NKAIN3: variants seen among roughly 807,000 people sequenced by gnomAD.
NKAIN3 encodes the protein sodium/potassium-transporting ATPase subunit beta-1-interacting protein 3.
In NKAIN3, 25 loss-of-function variants were observed where a neutral mutation model predicts 30.2. That is an observed-to-expected ratio of 0.83 (90% CI 0.60 to 1.16). NKAIN3 has a LOEUF of 1.16. Ranked by LOEUF, NKAIN3 falls within the 50% of genes most tolerant of loss-of-function variation. The pLI, the probability that NKAIN3 is intolerant of heterozygous loss-of-function variation, is 0.00. For missense variants in NKAIN3, 225 were observed against 254.1 expected, an observed-to-expected ratio of 0.89 and a Z score of 0.78; for synonymous variants, 91 against 89.6, an observed-to-expected ratio of 1.02 and a Z score of -0.09.
chr8:62,481,453 C>T (rs894028922), intron 1 of NKAIN3, among the ~76,000 whole-genome samples: 4 of 151,972 alleles, frequency 2.6e-5, no homozygotes, highest in Non-Finnish European at 4.4e-5. Context: ...TTGGACTTAC[C>T]ATGTCATACA....
intron 1 of NKAIN3, among the ~76,000 whole-genome samples, chr8:62,530,948 T>G (rs1238676398): frequency 6.6e-6 from 1 of 152,158 alleles, no homozygotes; most frequent in African/African-American, 2.4e-5. Context: ...CCTGGCCCAC[T>G]TCCTGGTTTT....
chr8:62,882,097 T>C (rs1319252515), intron 4 of NKAIN3, among the ~76,000 whole-genome samples: 1 of 152,196 alleles, frequency 6.6e-6, no homozygotes, highest in African/African-American at 2.4e-5. Flanking sequence ...AATAGAGTTA[T>C]TCATTTTCTT....
At chr8:62,343,382 C>T (rs1457232051) in intron 1 of NKAIN3, among the ~76,000 whole-genome samples, 2 of 152,006 alleles carry the variant, frequency 1.3e-5, no homozygotes, top group African/African-American at 2.4e-5. Flanking sequence ...ACAAATGTAT[C>T]CTATCTACTC....
intron 3 of NKAIN3, among the ~76,000 whole-genome samples, chr8:62,652,515 T>G (rs1545792): frequency 0.48 from 73,277 of 152,086 alleles, 20,748 homozygotes; most frequent in African/African-American, 0.79. Context: ...CATTCCCATT[T>G]TTCTTTATTA....
At chr8:62,716,219 C>T (rs1455840872) in intron 3 of NKAIN3, among the ~76,000 whole-genome samples, 4 of 152,118 alleles carry the variant, frequency 2.6e-5, no homozygotes, top group African/African-American at 7.2e-5. Context: ...CAATGATACA[C>T]AAGACACCAT....
In NKAIN3 at chr8:62,896,487, A is replaced by G. The variant is rs1821432430; in HGVS notation, c.472-21966A>G. ...TTTTAGAGTCAGTCCTGCCTCCCAG[A>G]TCTCAGGCAGATTTTTTCCACCGTA... On this transcript the variant is annotated intron_variant, in intron 4 of 6. Transcript: ENST00000623646. Among the ~76,000 whole-genome samples, 3 of 152,076 alleles carry G rather than the reference A, an allele frequency of 2.0e-5. No individual in the cohort carries two copies. The South Asian group carries it at 6.2e-4, about 31-fold the overall frequency.
chr8:62,328,039 G>A (rs1244102064), intron 1 of NKAIN3, among the ~76,000 whole-genome samples: 2 of 151,812 alleles, frequency 1.3e-5, no homozygotes, highest in Admixed American at 6.6e-5. Flanking sequence ...TTTCTTACTG[G>A]TTTGATCCAA....
At chr8:62,948,191 T>A (rs1006776936) in intron 5 of NKAIN3, among the ~76,000 whole-genome samples, 8 of 151,764 alleles carry the variant, frequency 5.3e-5, no homozygotes, top group African/African-American at 1.9e-4. Context: ...TGACTTGGTA[T>A]TTCCTTTTTT....
At chr8:62,551,601 G>C (rs947534021) in intron 1 of NKAIN3, among the ~76,000 whole-genome samples, 1 of 152,186 alleles carries the variant, frequency 6.6e-6, no homozygotes, top group Non-Finnish European at 1.5e-5. Context: ...GGTCAGAGAG[G>C]ACAAAACACT....
chr8:62,324,876 A>T (rs1271822514), intron 1 of NKAIN3, among the ~76,000 whole-genome samples: 1 of 152,114 alleles, frequency 6.6e-6, no homozygotes, highest in African/African-American at 2.4e-5. Context: ...GCAAGCTTGA[A>T]AATCTTGAAC....
intron 1 of NKAIN3, among the ~76,000 whole-genome samples, chr8:62,527,114 G>A (rs972750981): frequency 3.3e-5 from 5 of 152,158 alleles, no homozygotes; most frequent in African/African-American, 1.2e-4. Context: ...CAGAGAGAGA[G>A]GAGCTCATGA....
intron 4 of NKAIN3, among the ~76,000 whole-genome samples, chr8:62,866,482 C>G (rs932651947): frequency 6.6e-6 from 1 of 152,138 alleles, no homozygotes; most frequent in African/African-American, 2.4e-5. Flanking sequence ...TTTGTTTATG[C>G]ATTTCCTTAA....
intron 1 of NKAIN3, among the ~76,000 whole-genome samples, chr8:62,341,008 T>C (rs1815726508): frequency 6.6e-6 from 1 of 152,106 alleles, no homozygotes; most frequent in East Asian, 1.9e-4. Flanking sequence ...CTTACATTTT[T>C]ATTTTTCCAG....
At chr8:62,410,932 A>C (rs539836321) in intron 1 of NKAIN3, among the ~76,000 whole-genome samples, 3 of 152,344 alleles carry the variant, frequency 2.0e-5, no homozygotes, top group African/African-American at 7.2e-5. Context: ...AGTGGACGAG[A>C]TTAATTCACA....
rs575737117 is a variant in NKAIN3, at chr8:62,304,819, G to A, written c.54+55692G>A. Among the ~76,000 whole-genome samples the A allele has an allele frequency of 3.4e-3, 88 of 25,980 alleles. 10 individuals are homozygous for A. Among genetic ancestry groups the A allele is most frequent in the African/African-American group, 8.7e-3 (86 of 9,922 alleles). The allele number at this position is 25,980 out of a possible 152,430, so 17.0% of individuals were successfully genotyped here. On this transcript the variant is annotated intron_variant, in intron 1 of 6. Coordinates refer to ENST00000623646, the MANE Select transcript of NKAIN3 (RefSeq NM_001304533.3). ...TTGTGTCCTTGGTGTGTGGACATTC[G>A]GCATGACGTTCATAGGCCAGCAGAA...
chr8:62,459,364 T>A (rs555614870), intron 1 of NKAIN3, among the ~76,000 whole-genome samples: 1 of 152,164 alleles, frequency 6.6e-6, no homozygotes, highest in Non-Finnish European at 1.5e-5. Context: ...AGGCTTTAGA[T>A]AAGGATGATT....
chr8:62,435,044 A>G (rs915205536), intron 1 of NKAIN3, among the ~76,000 whole-genome samples: 3 of 152,076 alleles, frequency 2.0e-5, no homozygotes, highest in African/African-American at 7.2e-5. Context: ...AGACAGGGAG[A>G]AACAGAGGAG....
chr8:62,267,269 A>G (rs1812638368), intron 1 of NKAIN3, among the ~76,000 whole-genome samples: 1 of 152,266 alleles, frequency 6.6e-6, no homozygotes, highest in Non-Finnish European at 1.5e-5. Flanking sequence ...TTGAAGCAAT[A>G]GAACAGATCA....
At chr8:62,451,228 TTCTCTTCTCTTCTC>T (rs1382642546) in intron 1 of NKAIN3, among the ~76,000 whole-genome samples, 5 of 151,556 alleles carry the variant, frequency 3.3e-5, no homozygotes, top group Non-Finnish European at 5.9e-5. Context: ...CTCTTCTCTT[TTCTCTTCTCTTCTC>T]TCTCTTCTCT....
Sources: allele counts gnomAD v4.1 joint callset (sites outside exome capture counted in the v4.1 genomes callset), GRCh38; gene constraint gnomAD v4.1.1; transcripts MANE v1.5; gene names NCBI Gene and HGNC (gene_info 2026-07-23, HGNC 2026-07-21).